Variants in CSMD1 observed in about 807,000 individuals in gnomAD.
CSMD1 encodes the protein CUB and sushi domain-containing protein 1.
Under a neutral mutation model 417.5 loss-of-function variants are expected in CSMD1, and 213 were observed. The ratio of observed to expected loss-of-function variants is 0.51; its 90% CI spans 0.46 to 0.57. CSMD1 has a LOEUF of 0.57. CSMD1 is among the 20% of genes least tolerant of loss of function. The probability of loss-of-function intolerance (pLI) is 0.00; values close to 1 mark genes in which losing one functional copy is unlikely to be tolerated. For missense variants in CSMD1, 6,923 were observed against 4,529.7 expected, an observed-to-expected ratio of 1.53 and a Z score of -15.17; for synonymous variants, 2,862 against 1,736.8, an observed-to-expected ratio of 1.65 and a Z score of -16.11.
At chr8:3,436,975 G>C (rs1814606641) in intron 12 of CSMD1, among the ~76,000 whole-genome samples, 1 of 152,114 alleles carries the variant, frequency 6.6e-6, no homozygotes, top group African/African-American at 2.4e-5. Context: ...AAGCATGCAA[G>C]AAGCAGACAG....
At chr8:3,864,313 G>C (rs1468185516) in intron 5 of CSMD1, among the ~76,000 whole-genome samples, 2 of 152,104 alleles carry the variant, frequency 1.3e-5, no homozygotes, top group African/African-American at 2.4e-5. Context: ...CTTTTCCTAT[G>C]AGAGGACAGT....
intron 23 of CSMD1, among the ~76,000 whole-genome samples, chr8:3,340,237 G>C (rs949950353): frequency 2.0e-5 from 3 of 152,158 alleles, no homozygotes; most frequent in Non-Finnish European, 4.4e-5. Flanking sequence ...TGAAGACTCG[G>C]TTTTTAATTC....
At chr8:4,435,346 G>C (rs1391856270) in intron 2 of CSMD1, among the ~76,000 whole-genome samples, 1 of 152,076 alleles carries the variant, frequency 6.6e-6, no homozygotes, top group Non-Finnish European at 1.5e-5. Context: ...GGAGTTTTGA[G>C]GCCTTATTTA....
At chr8:4,393,719 T>C (rs1804017333) in intron 3 of CSMD1, among the ~76,000 whole-genome samples, 1 of 152,276 alleles carries the variant, frequency 6.6e-6, no homozygotes, top group Non-Finnish European at 1.5e-5. Context: ...GAGCAGACCT[T>C]GAAAATCTCT....
intron 3 of CSMD1, among the ~76,000 whole-genome samples, chr8:4,117,308 C>T (rs1246090764): frequency 6.6e-6 from 1 of 151,232 alleles, no homozygotes; most frequent in African/African-American, 2.4e-5. Flanking sequence ...TGGTGGGATC[C>T]TCCTTATACA....
rs1173719388 is a variant in CSMD1, at chr8:4,078,896, A to AATATAT, written c.416-46803_416-46798dup. Among the ~76,000 whole-genome samples, 213 of 43,090 alleles carry AATATAT rather than the reference A, an allele frequency of 4.9e-3. 2 individuals carry two copies. The highest frequency in any genetic ancestry group is 5.5e-3 in the Non-Finnish European group (116 of 21,002). The allele number at this position is 43,090 out of a possible 152,430, so 28.3% of individuals were successfully genotyped here. On this transcript the variant is annotated intron_variant, in intron 3 of 69. Coordinates refer to ENST00000635120, the MANE Select transcript of CSMD1 (RefSeq NM_033225.6). ...ACTAAAATTAATAATAATAATAATA[A>AATATAT]ATATATATATATATATATATATATA...
Position 3,774,300 on chromosome 8 carries a change from G to A in CSMD1, c.819-20258C>T, listed in dbSNP as rs889505423. On this transcript the variant is annotated intron_variant, in intron 5 of 69. Coordinates refer to ENST00000635120, the MANE Select transcript of CSMD1 (RefSeq NM_033225.6). ...AGAATTGAATTCCAATGTGTTCCCA[G>A]AGCATCTGGGTTTCAGTAGAGTACA... 8.5e-5 allele frequency among the ~76,000 whole-genome samples: 13 copies of A among 152,086 alleles called. 1 individual carries two copies. Among genetic ancestry groups the A allele is most frequent in the Non-Finnish European group, 1.6e-4 (11 of 68,030 alleles).
At chr8:4,661,822 G>C in intron 1 of CSMD1, among the ~76,000 whole-genome samples, 1 of 152,184 alleles carries the variant, frequency 6.6e-6, no homozygotes, top group East Asian at 1.9e-4. Flanking sequence ...GAATATGTTA[G>C]TCCTAGGTAA....
In CSMD1 at chr8:4,470,533, G is replaced by T. The variant is rs190042781; in HGVS notation, c.303-50468C>A. ...GAATTCCTTACATTAAATGAACTCA[G>T]ACAAAAATGACATGCCAAAGGATTC... On this transcript the variant is annotated intron_variant, in intron 2 of 69. Transcript: ENST00000635120. 8.3e-4 allele frequency among the ~76,000 whole-genome samples: 126 copies of T among 152,290 alleles called. 3 individuals carry two copies. In the East Asian group the frequency reaches 0.018, roughly 22 times the overall value.
chr8:4,286,894 C>G (rs1205841896), intron 3 of CSMD1, among the ~76,000 whole-genome samples: 1 of 151,968 alleles, frequency 6.6e-6, no homozygotes, highest in Non-Finnish European at 1.5e-5. Flanking sequence ...CCATTGTGGC[C>G]AAGGAGTTGA....
chr8:4,380,059 A>G (rs1023881045), intron 3 of CSMD1, among the ~76,000 whole-genome samples: 13 of 152,234 alleles, frequency 8.5e-5, no homozygotes, highest in African/African-American at 2.2e-4. Context: ...CCATCAATCC[A>G]TATGAAGATA....
intron 8 of CSMD1, among the ~76,000 whole-genome samples, chr8:3,589,533 G>A (rs993750333): frequency 1.3e-5 from 2 of 152,106 alleles, no homozygotes; most frequent in African/African-American, 4.8e-5. Context: ...GGCACAGAAA[G>A]ACAAGTACTG....
chr8:3,455,216 AT>A (rs997549032), intron 12 of CSMD1, among the ~76,000 whole-genome samples: 2 of 151,818 alleles, frequency 1.3e-5, no homozygotes, highest in Admixed American at 6.6e-5. Flanking sequence ...CAGTCGTCTA[AT>A]TTTTTTTCAA....
chr8:3,925,511 G>C (rs899078754), intron 5 of CSMD1, among the ~76,000 whole-genome samples: 2 of 152,060 alleles, frequency 1.3e-5, no homozygotes, highest in African/African-American at 4.8e-5. Context: ...GGTTTGGCTG[G>C]GTCCCCACTC....
At chr8:4,573,168 G>A (rs1057027425) in intron 2 of CSMD1, among the ~76,000 whole-genome samples, 1 of 152,168 alleles carries the variant, frequency 6.6e-6, no homozygotes. Flanking sequence ...TTGCTGGCAA[G>A]GAGTTGTGAT....
intron 51 of CSMD1, among the ~76,000 whole-genome samples, chr8:3,023,558 T>G (rs138646059): frequency 6.6e-6 from 1 of 152,180 alleles, no homozygotes; most frequent in African/African-American, 2.4e-5. Context: ...TAAGGGTGAC[T>G]ATGCTCTCCT....
At chr8:4,755,715 G>C (rs541325588) in intron 1 of CSMD1, among the ~76,000 whole-genome samples, 15 of 152,230 alleles carry the variant, frequency 9.9e-5, no homozygotes, top group Admixed American at 2.6e-4. Context: ...TTTGAATCTT[G>C]CTTCCGTTTT....
intron 3 of CSMD1, among the ~76,000 whole-genome samples, chr8:4,047,937 C>T (rs980970423): frequency 6.6e-6 from 1 of 152,024 alleles, no homozygotes; most frequent in Non-Finnish European, 1.5e-5. Flanking sequence ...ATTGTTTTCC[C>T]AAAAATATAA....
At chr8:2,938,817 G>C (rs1333068031) in intron 69 of CSMD1, 73 bp from the exon 70 acceptor site, 2 of 1,362,400 alleles carry the variant, frequency 1.5e-6, no homozygotes, top group South Asian at 2.7e-5. Flanking sequence ...ACTGTGTGCA[G>C]GAGACAACGT....
Sources: allele counts gnomAD v4.1 joint callset (sites outside exome capture counted in the v4.1 genomes callset), GRCh38; gene constraint gnomAD v4.1.1; transcripts MANE v1.5; gene names NCBI Gene and HGNC (gene_info 2026-07-23, HGNC 2026-07-21).